Variants in SLC24A2 observed in about 807,000 individuals in gnomAD.
The protein encoded by SLC24A2 is sodium/potassium/calcium exchanger 2.
Under a neutral mutation model 62.0 loss-of-function variants are expected in SLC24A2, and 36 were observed. That is an observed-to-expected ratio of 0.58 (90% confidence interval 0.44 to 0.77). The LOEUF (loss-of-function observed/expected upper bound fraction) is 0.77. Among genes scored for constraint, SLC24A2 ranks in the 30% least tolerant of loss-of-function variants. The probability of loss-of-function intolerance (pLI) is 0.00; values close to 1 mark genes in which losing one functional copy is unlikely to be tolerated. For missense variants in SLC24A2, 846 were observed against 817.9 expected (o/e 1.03, Z -0.42); for synonymous variants, 358 against 294.0 (o/e 1.22, Z -2.23).
intron 9 of SLC24A2, among the ~76,000 whole-genome samples, chr9:19,525,764 T>A (rs1471421502): frequency 1.8e-5 from 2 of 109,146 alleles, no homozygotes; most frequent in Non-Finnish European, 3.5e-5. Context: ...CACATGCTAC[T>A]GTTTTTTTTT....
At chr9:20,202,049 TG>T in the SLC24A2 span, among the ~76,000 whole-genome samples, 1 of 119,802 alleles carries the variant, frequency 8.3e-6, no homozygotes, top group Non-Finnish European at 1.7e-5. Context: ...TCCCATTTCA[TG>T]GTGTGTGTGT....
the SLC24A2 span, among the ~76,000 whole-genome samples, chr9:20,073,833 A>C: frequency 0.041 from 6,203 of 150,446 alleles, 149 homozygotes; most frequent in South Asian, 0.08. Flanking sequence ...ATACTAATAC[A>C]AACTTCATAT....
At chr9:19,749,906 AG>A (rs1446535765) in intron 2 of SLC24A2, among the ~76,000 whole-genome samples, 5 of 152,216 alleles carry the variant, frequency 3.3e-5, no homozygotes, top group African/African-American at 4.8e-5. Flanking sequence ...ATTCTGCTAA[AG>A]GGACCATAAA....
intron 8 of SLC24A2, among the ~76,000 whole-genome samples, chr9:19,534,914 G>C (rs1187616138): frequency 1.3e-5 from 2 of 152,116 alleles, no homozygotes; most frequent in Non-Finnish European, 2.9e-5. Context: ...TCTAATTCTA[G>C]ATCCTTGAGG....
chr9:20,042,034 G>T, the SLC24A2 span, among the ~76,000 whole-genome samples: 1 of 152,234 alleles, frequency 6.6e-6, no homozygotes, highest in Non-Finnish European at 1.5e-5. Context: ...TGGGGAGCCT[G>T]TCATCTTGTG....
chr9:19,729,891 AT>A (rs529249517), intron 2 of SLC24A2, among the ~76,000 whole-genome samples: 188 of 152,290 alleles, frequency 1.2e-3, no homozygotes, highest in African/African-American at 4.2e-3. Context: ...ACACAAAAAA[AT>A]AATACATGTT....
At chr9:20,303,017 T>C in the SLC24A2 span, among the ~76,000 whole-genome samples, 6 of 152,290 alleles carry the variant, frequency 3.9e-5, no homozygotes, top group South Asian at 6.2e-4. Flanking sequence ...TTTGCTAAAC[T>C]TCCATCCCCA....
the SLC24A2 span, among the ~76,000 whole-genome samples, chr9:20,202,787 C>T: frequency 2.6e-5 from 4 of 152,080 alleles, no homozygotes; most frequent in African/African-American, 9.7e-5. Context: ...TATAATAAAA[C>T]CTCTTAAACC....
At chr9:19,686,666 T>TAAA (rs1819890395) in intron 2 of SLC24A2, among the ~76,000 whole-genome samples, 1 of 152,126 alleles carries the variant, frequency 6.6e-6, no homozygotes, top group Non-Finnish European at 1.5e-5. Flanking sequence ...CTTCCTGCCG[T>TAAA]CATGTGAAGA....
chr9:19,956,153 C>A, the SLC24A2 span, among the ~76,000 whole-genome samples: 1 of 152,320 alleles, frequency 6.6e-6, no homozygotes, highest in Middle Eastern at 3.4e-3. Context: ...CTACGTTTAG[C>A]TTTTAGTTGT....
the SLC24A2 span, among the ~76,000 whole-genome samples, chr9:20,229,197 C>T: frequency 6.6e-6 from 1 of 152,132 alleles, no homozygotes; most frequent in Non-Finnish European, 1.5e-5. Flanking sequence ...TCCTGAGAAG[C>T]AGTGTAGCTC....
the SLC24A2 span, among the ~76,000 whole-genome samples, chr9:20,117,414 C>T: frequency 6.6e-6 from 1 of 152,086 alleles, no homozygotes; most frequent in Non-Finnish European, 1.5e-5. Context: ...TCTTTTGTAA[C>T]AGCAGCCTAG....
At chr9:19,536,145 CTT>C (rs536617129) in intron 8 of SLC24A2, among the ~76,000 whole-genome samples, 6 of 114,708 alleles carry the variant, frequency 5.2e-5, no homozygotes, top group Admixed American at 1.7e-4. Context: ...CTCTGTTTGT[CTT>C]TTTTTTTTTT....
chr9:20,086,677 C>A, the SLC24A2 span, among the ~76,000 whole-genome samples: 2 of 152,188 alleles, frequency 1.3e-5, no homozygotes, highest in African/African-American at 2.4e-5. Context: ...GGTCACTAAC[C>A]TTTGCTCCTC....
At chr9:19,694,303 GA>G (rs775019361) in intron 2 of SLC24A2, among the ~76,000 whole-genome samples, 1 of 152,084 alleles carries the variant, frequency 6.6e-6, no homozygotes, top group Non-Finnish European at 1.5e-5. Flanking sequence ...TTTATACAAG[GA>G]AAGTCCTAAA....
At chr9:19,640,604 T>G (rs968069661) in intron 2 of SLC24A2, among the ~76,000 whole-genome samples, 1 of 152,134 alleles carries the variant, frequency 6.6e-6, no homozygotes, top group East Asian at 1.9e-4. Context: ...AATAACATAA[T>G]GCAATATTTC....
chr9:19,731,542 TGC>T (rs1491397934), intron 2 of SLC24A2, among the ~76,000 whole-genome samples: 61,291 of 150,210 alleles, frequency 0.41, 14,366 homozygotes, highest in East Asian at 0.66. Flanking sequence ...TGTGTGTGTG[TGC>T]ATGTGTGCAC....
chr9:20,231,519 G>T, the SLC24A2 span, among the ~76,000 whole-genome samples: 1 of 152,098 alleles, frequency 6.6e-6, no homozygotes, highest in Non-Finnish European at 1.5e-5. Context: ...GTTTACTCAT[G>T]ATTTGGCTCT....
intron 2 of SLC24A2, among the ~76,000 whole-genome samples, chr9:19,716,403 G>C (rs1820861175): frequency 6.6e-6 from 1 of 152,180 alleles, no homozygotes; most frequent in South Asian, 2.1e-4. Context: ...AATTGTGTGG[G>C]TCCCAATGAT....
Sources: gnomAD v4.1 joint callset for allele counts (sites outside exome capture counted in the v4.1 genomes callset) on GRCh38, gnomAD v4.1.1 for gene constraint, MANE v1.5 for transcripts, NCBI Gene and HGNC (gene_info 2026-07-23, HGNC 2026-07-21) for gene names.